Variants in SLC13A1 observed in about 807,000 individuals in gnomAD.
SLC13A1 encodes the protein solute carrier family 13 member 1, also known as Na(+)/sulfate cotransporter.
In SLC13A1, 65 loss-of-function variants were observed where a neutral mutation model predicts 70.0. That is an observed-to-expected ratio of 0.93 (90% CI 0.76 to 1.14). The LOEUF (loss-of-function observed/expected upper bound fraction) is 1.14. Ranked by LOEUF, SLC13A1 falls within the 50% of genes most tolerant of loss-of-function variation. The pLI is 0.00. For synonymous variants in SLC13A1, 275 were observed against 250.5 expected (o/e 1.10, Z -0.92); for missense variants, 726 against 717.8 (o/e 1.01, Z -0.13).
chr7:123,178,033 C>CTCTCTCTCTATATA lies in SLC13A1; in HGVS notation c.228+2939_228+2940insTATATAGAGAGAGA, dbSNP rs761704605. On this transcript the variant is annotated intron_variant, in intron 2 of 14. Transcript: ENST00000194130. ...TCTCTCTCTTTCTCTCTCTCTCTCT[C>CTCTCTCTCTATATA]TATATATATATATATATCTCCATAC... 3.0e-3 allele frequency among the ~76,000 whole-genome samples: 446 copies of CTCTCTCTCTATATA among 150,032 alleles called. 2 individuals carry two copies. The highest frequency in any genetic ancestry group is 0.01 in the African/African-American group (418 of 40,722).
intron 10 of SLC13A1, among the ~76,000 whole-genome samples, chr7:123,127,114 G>A (rs1793587766): frequency 6.6e-6 from 1 of 152,070 alleles, no homozygotes; most frequent in Non-Finnish European, 1.5e-5. Flanking sequence ...CAGGAATGCA[G>A]TTAGGTTGTC....
intron 7 of SLC13A1, among the ~76,000 whole-genome samples, chr7:123,136,395 A>G (rs1793949403): frequency 6.6e-6 from 1 of 152,294 alleles, no homozygotes; most frequent in South Asian, 2.1e-4. Context: ...CCTTATACCT[A>G]GAGTGAATAT....
intron 1 of SLC13A1, chr7:123,190,673 G>A (rs1795963006): frequency 8.8e-6 from 4 of 456,588 alleles, no homozygotes; most frequent in South Asian, 6.2e-5. Flanking sequence ...AAATGAAAAA[G>A]GAGAAGCTGT....
At chr7:123,124,395 G>A (rs1379163299) in intron 11 of SLC13A1, among the ~76,000 whole-genome samples, 1 of 152,152 alleles carries the variant, frequency 6.6e-6, no homozygotes, top group African/African-American at 2.4e-5. Context: ...CTAATCTCAA[G>A]TGAAAAACAA....
At chr7:123,129,585 CT>C in intron 8 of SLC13A1, 104 bp from the exon 9 acceptor site, 1 of 786,716 alleles carries the variant, frequency 1.3e-6, no homozygotes, top group South Asian at 1.5e-5. Flanking sequence ...CAATATGAAT[CT>C]CCCTTCATGC....
intron 1 of SLC13A1, 91 bp from the exon 2 acceptor site, chr7:123,181,192 G>A: frequency 7.3e-7 from 1 of 1,363,218 alleles, no homozygotes; most frequent in Non-Finnish European, 1.0e-6. Flanking sequence ...ATAGAGCCAT[G>A]TCACAGAGAA....
chr7:123,180,472 G>A (rs1795601621), intron 2 of SLC13A1, among the ~76,000 whole-genome samples: 1 of 151,998 alleles, frequency 6.6e-6, no homozygotes, highest in Non-Finnish European at 1.5e-5. Context: ...AGATTGTATA[G>A]AACAAATAAA....
chr7:123,119,026 G>T, intron 13 of SLC13A1, 55 bp downstream of exon 13: 1 of 1,473,460 alleles, frequency 6.8e-7, no homozygotes. Context: ...CCAGCATTCC[G>T]AAGCAGAGTA....
At chr7:123,159,600 T>G (rs2116489119) in intron 6 of SLC13A1, among the ~76,000 whole-genome samples, 1 of 152,302 alleles carries the variant, frequency 6.6e-6, no homozygotes, top group African/African-American at 2.4e-5. Context: ...CAATCCTTGC[T>G]GTCTAACAAT....
At chr7:123,149,791 T>C (rs1297393005) in intron 6 of SLC13A1, among the ~76,000 whole-genome samples, 1 of 152,178 alleles carries the variant, frequency 6.6e-6, no homozygotes, top group Non-Finnish European at 1.5e-5. Context: ...GTCCTTCAAC[T>C]GCACTGGCAA....
At chr7:123,120,095 T>A (rs1051766296) in intron 12 of SLC13A1, among the ~76,000 whole-genome samples, 1 of 152,086 alleles carries the variant, frequency 6.6e-6, no homozygotes, top group African/African-American at 2.4e-5. Flanking sequence ...TCTGGAATAT[T>A]TCCTCCTCCT....
At chr7:123,120,068 C>T (rs1793322883) in intron 12 of SLC13A1, among the ~76,000 whole-genome samples, 1 of 152,016 alleles carries the variant, frequency 6.6e-6, no homozygotes, top group Non-Finnish European at 1.5e-5. Context: ...TTCATGTTCC[C>T]TCACAGAAAT....
intron 4 of SLC13A1, among the ~76,000 whole-genome samples, 180 bp from the exon 5 acceptor site, chr7:123,168,741 C>T (rs1795156355): frequency 6.6e-6 from 1 of 152,136 alleles, no homozygotes; most frequent in South Asian, 2.1e-4. Flanking sequence ...TTTTTCACTG[C>T]ATCAGAGCAG....
chr7:123,169,210 T>C lies in SLC13A1; in HGVS notation c.491A>G (p.Glu164Gly). 6.2e-7 allele frequency: 1 copy of C among 1,614,116 alleles called. No homozygotes were observed. The highest frequency in any genetic ancestry group is 8.5e-7 in the Non-Finnish European group (1 of 1,179,992). The change falls in exon 4 of 15, where the codon GAG (glutamate) becomes GGG (glycine). Residue 164 changes from glutamate to glycine, a missense_variant. By Grantham distance (98) the Glu-to-Gly change is moderately conservative. Transcript: ENST00000194130. ...VVQQIINAEA[E>G]VEATQMTYFN... is the part of the protein sequence containing the mutation. ...GTAAGTCATCTGAGTGGCCTCGACC[T>C]CTGCTTCTGCATTGATGATCTGCTG...
chr7:123,164,195 G>A (rs1232798808), intron 6 of SLC13A1, among the ~76,000 whole-genome samples: 6 of 151,882 alleles, frequency 4.0e-5, no homozygotes, highest in African/African-American at 7.2e-5. Flanking sequence ...AGGTGACATT[G>A]AGCAAATGTT....
chr7:123,178,858 A>G (rs1005964744), intron 2 of SLC13A1, among the ~76,000 whole-genome samples: 3 of 152,174 alleles, frequency 2.0e-5, no homozygotes, highest in Non-Finnish European at 2.9e-5. Flanking sequence ...GGAAGACGAT[A>G]GGCTCATTCA....
chr7:123,134,202 T>C (rs1244550248), intron 8 of SLC13A1, among the ~76,000 whole-genome samples: 17 of 151,982 alleles, frequency 1.1e-4, no homozygotes, highest in Non-Finnish European at 1.5e-5. Flanking sequence ...CCCTTTCTAA[T>C]CTTTAATTAA....
intron 6 of SLC13A1, among the ~76,000 whole-genome samples, chr7:123,152,007 C>T (rs931841125): frequency 7.1e-6 from 1 of 141,768 alleles, no homozygotes; most frequent in African/African-American, 2.4e-5. Context: ...CTGCAGCCTA[C>T]AAAATCTGAA....
intron 12 of SLC13A1, among the ~76,000 whole-genome samples, chr7:123,121,538 T>G (rs1219126601): frequency 1.3e-5 from 2 of 152,144 alleles, no homozygotes; most frequent in Non-Finnish European, 2.9e-5. Context: ...TTGTTGTTAT[T>G]GCAATTTTAA....
Sources: gnomAD v4.1 joint callset for allele counts (sites outside exome capture counted in the v4.1 genomes callset) on GRCh38, gnomAD v4.1.1 for gene constraint, MANE v1.5 for transcripts, NCBI Gene and HGNC (gene_info 2026-07-23, HGNC 2026-07-21) for gene names.